The following OPTN variants were observed in gnomAD, a reference collection of about 807,000 sequenced individuals.
OPTN encodes the protein optineurin.
A neutral mutation model predicts 70.4 loss-of-function variants in OPTN; 54 were observed. The observed-to-expected ratio is 0.77, with a 90% CI of 0.62 to 0.96. OPTN has a LOEUF of 0.96. OPTN is among the 40% of genes least tolerant of loss of function. The probability of loss-of-function intolerance (pLI) is 0.00; values close to 1 mark genes in which losing one functional copy is unlikely to be tolerated. For synonymous variants in OPTN, 256 were observed against 248.5 expected (o/e 1.03, Z -0.28); for missense variants, 624 against 673.2 (o/e 0.93, Z 0.81).
chr10:13,127,732 G>C lies in OPTN; in HGVS notation c.1243-13G>C. The C allele has an allele frequency of 6.2e-7, 1 of 1,613,650 alleles. No homozygotes were observed. The highest frequency in any genetic ancestry group is 8.5e-7 in the Non-Finnish European group (1 of 1,179,566). On this transcript the variant is annotated splice_polypyrimidine_tract_variant and intron_variant, in intron 11 of 14. Coordinates refer to ENST00000378747, the MANE Select transcript of OPTN (RefSeq NM_001008212.2). ...TTTCAAAACCATTTCTAGAATAAAT[G>C]TTTCTTTTTCAGTCAGAAAAAGTGG...
chr10:13,127,684 T>C, intron 11 of OPTN, 61 bp from the exon 12 acceptor site: 2 of 1,563,042 alleles, frequency 1.3e-6, no homozygotes, highest in Non-Finnish European at 1.8e-6. Flanking sequence ...TTTTCTAATA[T>C]TTTACTAAAA....
chr10:13,125,488 A>G lies in OPTN; in HGVS notation c.1069A>G (p.Thr357Ala). 6.2e-7 allele frequency: 1 copy of G among 1,614,164 alleles called. No homozygotes were observed. The highest frequency in any genetic ancestry group is 8.5e-7 in the Non-Finnish European group (1 of 1,180,010). Residue 357 changes from threonine (T) to alanine (A), a missense_variant, in exon 10 of 15, where the codon ACT becomes GCT. Transcript: ENST00000378747. ...ELNEKQELVYTNKKLELQVES... is the reference protein window; with the variant it reads ...ELNEKQELVYANKKLELQVES... ...GAATGAAAAGCAAGAGCTTGTTTAT[A>G]CTAACAAAAAGTTAGAGCTACAAGT...
intron 1 of OPTN, among the ~76,000 whole-genome samples, chr10:13,106,266 C>T (rs1034881726): frequency 2.4e-4 from 37 of 152,100 alleles, no homozygotes. Flanking sequence ...CACTGTTACT[C>T]AGTAAAACCC....
At chr10:13,135,100 AG>A (rs1400069350) in intron 14 of OPTN, among the ~76,000 whole-genome samples, 2 of 152,220 alleles carry the variant, frequency 1.3e-5, no homozygotes, top group Non-Finnish European at 2.9e-5. Context: ...ACTACATCCA[AG>A]TAATGTACTT....
Position 13,136,887 on chromosome 10 carries a change from C to A in OPTN, c.*21C>A. ...TTTAAGTGTTGATGTATCACCTCCC[C>A]AAAACTGTTGGTAAATGTCAGATTT... On this transcript the variant is annotated 3_prime_UTR_variant, in exon 15 of 15. Coordinates refer to ENST00000378747, the MANE Select transcript of OPTN (RefSeq NM_001008212.2). 6.2e-7 allele frequency: 1 copy of A among 1,613,996 alleles called. No individual in the cohort carries two copies. Among genetic ancestry groups the A allele is most frequent in the East Asian group, 2.2e-5 (1 of 44,878 alleles).
intron 1 of OPTN, among the ~76,000 whole-genome samples, chr10:13,101,407 C>CCA (rs1554767523): frequency 3.1e-5 from 4 of 130,398 alleles, no homozygotes; most frequent in African/African-American, 9.1e-5. Context: ...CCCACCCCCC[C>CCA]ACCCACCCCC....
At chr10:13,128,977 A>G (rs2131523853) in intron 12 of OPTN, among the ~76,000 whole-genome samples, 1 of 152,316 alleles carries the variant, frequency 6.6e-6, no homozygotes, top group Non-Finnish European at 1.5e-5. Context: ...AGTCCAGTAT[A>G]TCAGCCTTCT....
chr10:13,115,563 T>A (rs868080547), intron 5 of OPTN, among the ~76,000 whole-genome samples: 1 of 127,952 alleles, frequency 7.8e-6, no homozygotes, highest in African/African-American at 2.9e-5. Flanking sequence ...TTATATATTA[T>A]ACAATTAATA....
chr10:13,117,626 T>C (rs1833249603), intron 6 of OPTN, among the ~76,000 whole-genome samples: 1 of 151,688 alleles, frequency 6.6e-6, no homozygotes, highest in Admixed American at 6.6e-5. Flanking sequence ...TTTGTGTTTT[T>C]AATAGAGACA....
chr10:13,122,480 C>T lies in OPTN; in HGVS notation c.875C>T (p.Pro292Leu), dbSNP rs762237396. The change falls in exon 8 of 15, where the codon CCG becomes CTG. Residue 292 changes from proline to leucine, a missense_variant. Coordinates refer to ENST00000378747, the MANE Select transcript of OPTN (RefSeq NM_001008212.2). ...TEKENDEEKG[P>L]ETVGSEVEAL... is the part of the protein sequence containing the mutation. Reference sequence around the variant, plus strand: ...AAAGAGAATGATGAAGAGAAAGGCCCGGAGACTGTGAGTCCTAAGATTCCA... The same window carrying T: ...AAAGAGAATGATGAAGAGAAAGGCCTGGAGACTGTGAGTCCTAAGATTCCA... 4.5e-5 allele frequency: 73 copies of T among 1,610,950 alleles called. No individual in the cohort carries two copies. Among genetic ancestry groups the T allele is most frequent in the Non-Finnish European group, 5.9e-5 (70 of 1,177,206 alleles).
intron 1 of OPTN, among the ~76,000 whole-genome samples, chr10:13,107,790 A>G (rs1392089337): frequency 6.6e-6 from 1 of 152,158 alleles, no homozygotes; most frequent in Non-Finnish European, 1.5e-5. Flanking sequence ...TGTGTGGGCC[A>G]TGTGTACACA....
chr10:13,115,546 T>TA (rs1250610050), intron 5 of OPTN, among the ~76,000 whole-genome samples: 177 of 118,810 alleles, frequency 1.5e-3, no homozygotes, highest in East Asian at 2.1e-3. Context: ...ATAGAATATA[T>TA]TATACATTAT....
At chr10:13,119,173 C>G in intron 7 of OPTN, 133 bp downstream of exon 7, 3 of 849,792 alleles carry the variant, frequency 3.5e-6, no homozygotes, top group Non-Finnish European at 5.7e-6. Context: ...GATTGTGCAA[C>G]CACTGTTACT....
intron 11 of OPTN, among the ~76,000 whole-genome samples, chr10:13,127,507 G>A (rs1052981116): frequency 5.3e-5 from 8 of 151,852 alleles, no homozygotes; most frequent in African/African-American, 1.7e-4. Flanking sequence ...ATAAGTTAGC[G>A]TTGCTGATTA....
chr10:13,136,505 CAAAA>C (rs71386161), intron 14 of OPTN, among the ~76,000 whole-genome samples: 1 of 72,868 alleles, frequency 1.4e-5, no homozygotes, highest in East Asian at 4.2e-4. Flanking sequence ...GACTCCGTCT[CAAAA>C]AAAAAAAAAA....
intron 1 of OPTN, among the ~76,000 whole-genome samples, chr10:13,107,088 C>T (rs542551940): frequency 6.6e-6 from 1 of 152,198 alleles, no homozygotes; most frequent in East Asian, 1.9e-4. Context: ...AAATTATTTT[C>T]TAAGGTCCAG....
At chr10:13,120,129 C>A (rs1013620321) in intron 7 of OPTN, among the ~76,000 whole-genome samples, 1 of 151,664 alleles carries the variant, frequency 6.6e-6, no homozygotes, top group South Asian at 2.1e-4. Flanking sequence ...ACTACAGGCG[C>A]CCGCCACCAC....
At chr10:13,130,424 CAAAAAAAAAAA>C (rs1178080754) in intron 12 of OPTN, among the ~76,000 whole-genome samples, 77 of 51,756 alleles carry the variant, frequency 1.5e-3, no homozygotes, top group African/African-American at 5.1e-3. Flanking sequence ...GACTCTATCT[CAAAAAAAAAAA>C]AAAAAAAAAA....
rs769726736 is a variant in OPTN, at chr10:13,118,872, C to T, written c.627-16C>T. 40 of 1,612,862 alleles carry T rather than the reference C, an allele frequency of 2.5e-5. No individual in the cohort carries two copies. The East Asian group carries it at 8.5e-4, about 34-fold the overall frequency. On this transcript the variant is annotated splice_polypyrimidine_tract_variant and intron_variant, in intron 6 of 14. Coordinates refer to ENST00000378747, the MANE Select transcript of OPTN (RefSeq NM_001008212.2). ...AATTTTTCTGATGAAAACCTTTTAA[C>T]CTTTATACTGAACAGGGCATTGTCT...
Sources: allele counts gnomAD v4.1 joint callset (sites outside exome capture counted in the v4.1 genomes callset), GRCh38; gene constraint gnomAD v4.1.1; transcripts MANE v1.5; gene names NCBI Gene and HGNC (gene_info 2026-07-23, HGNC 2026-07-21).